The following CHST13 variants were observed in gnomAD, a reference collection of about 807,000 sequenced individuals.
CHST13 encodes C4ST-3.
Under a neutral mutation model 7.0 loss-of-function variants are expected in CHST13, and 1 was observed. That is an observed-to-expected ratio of 0.14 (90% CI 0.05 to 0.68). The LOEUF (loss-of-function observed/expected upper bound fraction) is 0.68, where lower values mean the gene tolerates loss of function less well. CHST13 is among the 30% of genes least tolerant of loss of function. CHST13 has a pLI of 0.82. For missense variants in CHST13, 572 were observed against 507.9 expected (o/e 1.13, Z -1.21); for synonymous variants, 257 against 240.9 (o/e 1.07, Z -0.62).
intron 1 of CHST13, among the ~76,000 whole-genome samples, chr3:126,528,978 G>T (rs910064339): frequency 6.6e-6 from 1 of 152,234 alleles, no homozygotes; most frequent in Non-Finnish European, 1.5e-5. Flanking sequence ...CCTGCTGGCA[G>T]GAGCTTGCTG....
In CHST13 at chr3:126,542,081, T is replaced by C. The variant is rs761634639; in HGVS notation, c.529T>C (p.Phe177Leu). The C allele has an allele frequency of 2.5e-6, 4 of 1,584,104 alleles. No homozygotes were observed. The African/African-American group carries it at 4.1e-5, about 16-fold the overall frequency. The change falls in exon 3 of 3, where the codon TTC becomes CTC. Residue 177 changes from phenylalanine (F) to leucine (L), a missense_variant. Physicochemically the swap from Phe to Leu is conservative, Grantham distance 22. Coordinates refer to ENST00000319340, the MANE Select transcript of CHST13 (RefSeq NM_152889.3). ...YLAFLFVREP[F>L]ERLASAYRNK... ...GGCCTTCCTGTTCGTGCGGGAGCCC[T>C]TCGAGCGCCTGGCATCGGCTTACCG...
At position 126,542,671 on chromosome 3, in the gene CHST13, C is replaced by A; in HGVS notation, c.*93C>A. On this transcript the variant is annotated 3_prime_UTR_variant, in exon 3 of 3. Coordinates refer to ENST00000319340, the MANE Select transcript of CHST13 (RefSeq NM_152889.3). ...TGCTGCCGGCCCCAGGACCCCTCTT[C>A]AAGAGCCACTGCGTGCACTCACCTG... 9 of 1,378,066 alleles carry A rather than the reference C, an allele frequency of 6.5e-6. No homozygotes were observed. The highest frequency in any genetic ancestry group is 8.4e-6 in the Non-Finnish European group (9 of 1,065,408). The allele number at this position is 1,378,066 out of a possible 1,614,324, so 85.4% of individuals were successfully genotyped here. A position where few individuals can be genotyped will look rare whatever the true frequency, so the allele number is the denominator to read the frequency against.
chr3:126,533,066 T>G lies in CHST13; in HGVS notation c.98-3205T>G, dbSNP rs951427351. On this transcript the variant is annotated intron_variant, in intron 1 of 2. Coordinates refer to ENST00000319340, the MANE Select transcript of CHST13 (RefSeq NM_152889.3). ...GCTAGTATATAGAATATAATTGACTTTTGTATATTAATCTTGCATCGTGCA... is the reference window on the plus strand; with the variant it reads ...GCTAGTATATAGAATATAATTGACTGTTGTATATTAATCTTGCATCGTGCA... Among the ~76,000 whole-genome samples, 21 of 152,358 alleles carry G rather than the reference T, an allele frequency of 1.4e-4. 1 individual carries two copies. The South Asian group carries it at 1.9e-3, about 14-fold the overall frequency.
chr3:126,542,240 G>A lies in CHST13; in HGVS notation c.688G>A (p.Ala230Thr), dbSNP rs1385498683. The change falls in exon 3 of 3, where the codon GCC (alanine) becomes ACC (threonine). Residue 230 changes from alanine (A) to threonine (T), a missense_variant. Physicochemically the swap from Ala to Thr is moderately conservative, Grantham distance 58. Transcript: ENST00000319340. ...CGACGTGCGCTTCGCGGAGTTCCTGGCCTACCTGCTGGACCCGCGCACGCG... is the reference window on the plus strand; with the variant it reads ...CGACGTGCGCTTCGCGGAGTTCCTGACCTACCTGCTGGACCCGCGCACGCG... Reference protein sequence around the residue: ...GHDVRFAEFLAYLLDPRTRRE... With the variant: ...GHDVRFAEFLTYLLDPRTRRE... 17 of 1,529,522 alleles carry A rather than the reference G, an allele frequency of 1.1e-5. No homozygotes were observed. Among genetic ancestry groups the A allele is most frequent in the East Asian group, 2.6e-5 (1 of 37,976 alleles). The allele number at this position is 1,529,522 out of a possible 1,614,324, so 94.7% of individuals were successfully genotyped here. A position where few individuals can be genotyped will look rare whatever the true frequency, so the allele number is the denominator to read the frequency against.
At chr3:126,532,537 A>G (rs1000486227) in intron 1 of CHST13, among the ~76,000 whole-genome samples, 2 of 152,200 alleles carry the variant, frequency 1.3e-5, no homozygotes, top group Non-Finnish European at 2.9e-5. Flanking sequence ...TCCTTTCCCC[A>G]TTGAATTGTC....
Position 126,536,303 on chromosome 3 carries a change from C to T in CHST13, c.130C>T (p.Leu44Phe), listed in dbSNP as rs563070610. ...FGNRALGSSW[L>F]GGEKRSPLQK... ...AAACAGAGCCCTGGGCTCCAGCTGG[C>T]TTGGTGGGGAGAAGAGAAGCCCCCT... is the stretch of plus-strand genomic sequence containing the variant. Residue 44 changes from leucine (L) to phenylalanine (F), a missense_variant, in exon 2 of 3, where the codon CTT becomes TTT. Physicochemically the swap from Leu to Phe is conservative, Grantham distance 22. Transcript: ENST00000319340. 1.5e-3 allele frequency: 2,396 copies of T among 1,613,980 alleles called. 53 individuals are homozygous for T. In the South Asian group the frequency reaches 0.025, roughly 17 times the overall value.
Position 126,542,010 on chromosome 3 carries a change from C to T in CHST13, c.458C>T (p.Ala153Val). The change falls in exon 3 of 3, where the codon GCC (alanine) becomes GTC (valine). Residue 153 changes from alanine to valine, a missense_variant. Coordinates refer to ENST00000319340, the MANE Select transcript of CHST13 (RefSeq NM_152889.3). ...GCGCCTGGCCGCCTGCCCTCACTGG[C>T]CGACTTCAGCCCCGCCGAGATCAAC... is the stretch of plus-strand genomic sequence containing the variant. ...AHAPGRLPSL[A>V]DFSPAEINRR... The T allele has an allele frequency of 6.4e-7, 1 of 1,561,184 alleles. No individual in the cohort carries two copies. The highest frequency in any genetic ancestry group is 1.2e-5 in the South Asian group (1 of 86,390).
chr3:126,525,715 G>T (rs1936525347), intron 1 of CHST13, among the ~76,000 whole-genome samples: 1 of 152,112 alleles, frequency 6.6e-6, no homozygotes, highest in South Asian at 2.1e-4. Flanking sequence ...GCTCAGCGTG[G>T]GATGTTAGAG....
intron 1 of CHST13, chr3:126,527,433 C>T (rs1026607335): frequency 1.3e-5 from 2 of 152,348 alleles, no homozygotes; most frequent in African/African-American, 4.8e-5. Context: ...CATAGCCTCA[C>T]TCTCAGCTGC....
intron 1 of CHST13, among the ~76,000 whole-genome samples, chr3:126,534,353 T>A (rs185837378): frequency 6.6e-5 from 10 of 152,240 alleles, no homozygotes; most frequent in African/African-American, 2.4e-4. Context: ...GGATTTTTAC[T>A]TATAATAGTT....
At chr3:126,539,395 G>C (rs770647078) in intron 2 of CHST13, among the ~76,000 whole-genome samples, 6 of 151,908 alleles carry the variant, frequency 3.9e-5, no homozygotes, top group Non-Finnish European at 5.9e-5. Flanking sequence ...AGTTTGAAAG[G>C]CATCAGGAGC....
chr3:126,532,163 A>G (rs1936673753), intron 1 of CHST13, among the ~76,000 whole-genome samples: 1 of 152,252 alleles, frequency 6.6e-6, no homozygotes, highest in African/African-American at 2.4e-5. Flanking sequence ...TGTGGGTACT[A>G]GTTCCTTACC....
At chr3:126,538,731 A>C (rs1936856452) in intron 2 of CHST13, among the ~76,000 whole-genome samples, 2 of 152,280 alleles carry the variant, frequency 1.3e-5, no homozygotes, top group Admixed American at 6.5e-5. Flanking sequence ...CTGACGGTGG[A>C]AACAGGGTCT....
chr3:126,534,369 A>G (rs1936719018), intron 1 of CHST13, among the ~76,000 whole-genome samples: 1 of 151,874 alleles, frequency 6.6e-6, no homozygotes, highest in African/African-American at 2.4e-5. Context: ...TAGTTCTAGG[A>G]AAACTGAGCA....
At chr3:126,529,381 G>A (rs774041213) in intron 1 of CHST13, 16 of 1,289,290 alleles carry the variant, frequency 1.2e-5, no homozygotes, top group Non-Finnish European at 1.6e-5. Flanking sequence ...GCCTACGGAT[G>A]CCGCAAGGGG....
At chr3:126,525,218 G>C (rs531948100) in intron 1 of CHST13, among the ~76,000 whole-genome samples, 1 of 152,150 alleles carries the variant, frequency 6.6e-6, no homozygotes, top group East Asian at 1.9e-4. Context: ...TGTGGTATGC[G>C]TGCTGGGTGG....
rs1226463896 is a variant in CHST13 at position 126,541,945 on chromosome 3, C to T, written c.393C>T (p.Ala131=). 6.3e-7 allele frequency: 1 copy of T among 1,586,164 alleles called. No individual in the cohort carries two copies. Among genetic ancestry groups the T allele is most frequent in the Admixed American group, 1.7e-5 (1 of 57,254 alleles). The part of the protein sequence containing the change: ...KRVLLALSGQ[A]RGDPRAISAQ... ...TGCTGCTGGCGCTGAGCGGCCAAGC[C>T]CGCGGCGACCCGCGCGCCATCTCCG... Residue 131 remains alanine, a synonymous_variant, in exon 3 of 3, where the codon GCC becomes GCT. Coordinates refer to ENST00000319340, the MANE Select transcript of CHST13 (RefSeq NM_152889.3).
At chr3:126,528,703 G>A (rs1936585168) in intron 1 of CHST13, among the ~76,000 whole-genome samples, 2 of 152,190 alleles carry the variant, frequency 1.3e-5, no homozygotes, top group South Asian at 2.1e-4. Context: ...GGGGATCTGG[G>A]CAGACTGGGG....
rs1384825940 is a variant in CHST13 at position 126,524,350 on chromosome 3, C to T, written c.18C>T (p.Cys6=). Residue 6 remains cysteine (C), a synonymous_variant, in exon 1 of 3, where the codon TGC becomes TGT. Transcript: ENST00000319340. ...GGCACAGCATGGGGAGGCGCTGCTG[C>T]CGGCGGCGCGTGCTGGCGGCCGCCT... MGRRC[C]RRRVLAAACL... is the part of the protein sequence containing the mutation. 2 of 1,235,870 alleles carry T rather than the reference C, an allele frequency of 1.6e-6. No homozygotes were observed. Among genetic ancestry groups the T allele is most frequent in the East Asian group, 3.3e-5 (1 of 30,630 alleles). 76.6% of individuals were successfully genotyped at this position (1,235,870 alleles called of 1,614,324 possible).
Sources: allele counts gnomAD v4.1 joint callset (sites outside exome capture counted in the v4.1 genomes callset), GRCh38; gene constraint gnomAD v4.1.1; transcripts MANE v1.5; gene names NCBI Gene and HGNC (gene_info 2026-07-23, HGNC 2026-07-21).